CRTC1: variants seen among roughly 807,000 people sequenced by gnomAD.
CRTC1 encodes the protein CREB regulated transcription coactivator 1.
Under a neutral mutation model 66.1 loss-of-function variants are expected in CRTC1, and 18 were observed. The ratio of observed to expected loss-of-function variants is 0.27; its 90% confidence interval spans 0.19 to 0.40. The LOEUF is 0.40. CRTC1 is among the 10% of genes least tolerant of loss of function. The pLI is 1.00. For missense variants in CRTC1, 669 were observed against 887.9 expected, an observed-to-expected ratio of 0.75 and a Z score of 3.13; for synonymous variants, 416 against 398.8, an observed-to-expected ratio of 1.04 and a Z score of -0.51.
At chr19:18,689,961 C>T (rs1257365487) in intron 1 of CRTC1, among the ~76,000 whole-genome samples, 1 of 151,756 alleles carries the variant, frequency 6.6e-6, no homozygotes, top group East Asian at 1.9e-4. Flanking sequence ...GTGGTGTGAG[C>T]ATCCGCTGCA....
At chr19:18,729,574 G>A (rs776746723) in intron 1 of CRTC1, among the ~76,000 whole-genome samples, 1 of 151,814 alleles carries the variant, frequency 6.6e-6, no homozygotes, top group Non-Finnish European at 1.5e-5. Flanking sequence ...GGGAGACCGC[G>A]TCTCTACTAA....
chr19:18,711,908 A>G (rs1464282631), intron 1 of CRTC1, among the ~76,000 whole-genome samples: 5 of 152,066 alleles, frequency 3.3e-5, no homozygotes, highest in Non-Finnish European at 7.4e-5. Context: ...TCTCCTTTAT[A>G]CTTTTTTCAC....
At chr19:18,752,682 C>G (rs1042184419) in intron 5 of CRTC1, among the ~76,000 whole-genome samples, 1 of 151,270 alleles carries the variant, frequency 6.6e-6, no homozygotes, top group African/African-American at 2.4e-5. Flanking sequence ...ACTCTGTCGC[C>G]CAGACTGGAG....
At position 18,727,842 on chromosome 19, in the gene CRTC1, C is replaced by T. The variant is rs948943184; in HGVS notation, c.127-15068C>T. Among the ~76,000 whole-genome samples the T allele has an allele frequency of 2.6e-5, 4 of 152,032 alleles. No individual in the cohort carries two copies. In the South Asian group the frequency reaches 8.3e-4, roughly 32 times the overall value. On this transcript the variant is annotated intron_variant, in intron 1 of 13. Coordinates refer to ENST00000321949, the MANE Select transcript of CRTC1 (RefSeq NM_015321.3). ...GTTCAGGAAGTTCTCCTGCCTCAGC[C>T]TCCTGAGTAGCTGGGATTACAGGCG...
At chr19:18,723,076 G>A (rs990414577) in intron 1 of CRTC1, among the ~76,000 whole-genome samples, 2 of 152,078 alleles carry the variant, frequency 1.3e-5, no homozygotes, top group African/African-American at 4.8e-5. Flanking sequence ...AAGTACCTGG[G>A]ATTACAGGCA....
At chr19:18,743,532 C>T (rs1434921991) in intron 2 of CRTC1, among the ~76,000 whole-genome samples, 3 of 152,204 alleles carry the variant, frequency 2.0e-5, no homozygotes, top group Non-Finnish European at 4.4e-5. Flanking sequence ...CCCTGGTCTG[C>T]GGGTGGAGAT....
intron 1 of CRTC1, among the ~76,000 whole-genome samples, chr19:18,713,673 G>A (rs1391480890): frequency 2.0e-5 from 3 of 152,250 alleles, no homozygotes; most frequent in African/African-American, 7.2e-5. Flanking sequence ...TTAGCTCAAG[G>A]TCCAGGTTCG....
At chr19:18,701,222 G>C (rs1253764264) in intron 1 of CRTC1, among the ~76,000 whole-genome samples, 1 of 152,260 alleles carries the variant, frequency 6.6e-6, no homozygotes, top group African/African-American at 2.4e-5. Context: ...CCAGAGCCCG[G>C]GGCTCATCAC....
intron 1 of CRTC1, among the ~76,000 whole-genome samples, chr19:18,697,679 A>G (rs955752397): frequency 4.6e-5 from 7 of 152,128 alleles, no homozygotes; most frequent in Admixed American, 2.6e-4. Flanking sequence ...GCCTCATTGG[A>G]TCATGGTGAG....
At chr19:18,696,260 C>T (rs983926727) in intron 1 of CRTC1, among the ~76,000 whole-genome samples, 1 of 152,132 alleles carries the variant, frequency 6.6e-6, no homozygotes, top group South Asian at 2.1e-4. Flanking sequence ...TGAGGCAGGG[C>T]GGTTCAGGCT....
intron 1 of CRTC1, among the ~76,000 whole-genome samples, chr19:18,733,844 G>T (rs1016112764): frequency 6.6e-6 from 1 of 152,200 alleles, no homozygotes; most frequent in Admixed American, 6.5e-5. Context: ...GGCTGGGCGC[G>T]GTGGCTCCTG....
chr19:18,697,525 G>A (rs1033151730), intron 1 of CRTC1, among the ~76,000 whole-genome samples: 4 of 152,188 alleles, frequency 2.6e-5, no homozygotes, highest in Non-Finnish European at 5.9e-5. Flanking sequence ...GGCCAGGCTG[G>A]TCTCCAACTT....
chr19:18,734,373 A>T (rs76977527), intron 1 of CRTC1, among the ~76,000 whole-genome samples: 33,343 of 151,166 alleles, frequency 0.22, 3,856 homozygotes, highest in East Asian at 0.3. Flanking sequence ...GTAAAAGATT[A>T]AAAAAAAATA....
At chr19:18,685,934 A>G (rs1008050928) in intron 1 of CRTC1, among the ~76,000 whole-genome samples, 3 of 152,214 alleles carry the variant, frequency 2.0e-5, no homozygotes, top group Admixed American at 1.3e-4. Context: ...TAATAGCTTT[A>G]TTGAGATATG....
chr19:18,710,230 C>T (rs538031741), intron 1 of CRTC1, among the ~76,000 whole-genome samples: 7 of 152,316 alleles, frequency 4.6e-5, no homozygotes, highest in Non-Finnish European at 1.0e-4. Flanking sequence ...TTCCTTCCTC[C>T]ATCTACCCAC....
intron 6 of CRTC1, among the ~76,000 whole-genome samples, chr19:18,758,478 C>T (rs1419632854): frequency 6.6e-6 from 1 of 152,112 alleles, no homozygotes; most frequent in African/African-American, 2.4e-5. Flanking sequence ...TTCCATACAC[C>T]ATGTCCATGT....
At position 18,742,966 on chromosome 19, in the gene CRTC1, T is replaced by C; in HGVS notation, c.183T>C (p.Tyr61=). The part of the protein sequence containing the change: ...LQLGPSRGQY[Y]GGSLPNVNQI... ...TGGGCCCCAGCCGAGGCCAGTACTATGGCGGGTCCCTGCCCAACGTGAACC... is the reference window on the plus strand; with the variant it reads ...TGGGCCCCAGCCGAGGCCAGTACTACGGCGGGTCCCTGCCCAACGTGAACC... Residue 61 remains tyrosine (Y), a synonymous_variant, in exon 2 of 14, where the codon TAT becomes TAC. Transcript: ENST00000321949. 1 of 1,613,822 alleles carries C rather than the reference T, an allele frequency of 6.2e-7. No individual in the cohort carries two copies. The highest frequency in any genetic ancestry group is 8.5e-7 in the Non-Finnish European group (1 of 1,179,970).
At chr19:18,764,199 C>T (rs538917999) in intron 8 of CRTC1, among the ~76,000 whole-genome samples, 12 of 152,222 alleles carry the variant, frequency 7.9e-5, no homozygotes, top group African/African-American at 1.9e-4. Flanking sequence ...ACGCACCCGC[C>T]GTCTCATCTG....
At chr19:18,722,811 C>T (rs1374273354) in intron 1 of CRTC1, among the ~76,000 whole-genome samples, 1 of 152,190 alleles carries the variant, frequency 6.6e-6, no homozygotes, top group East Asian at 1.9e-4. Flanking sequence ...ACTAATCTGT[C>T]TCTGTGGCTT....
Sources: gnomAD v4.1 joint callset for allele counts (sites outside exome capture counted in the v4.1 genomes callset) on GRCh38, gnomAD v4.1.1 for gene constraint, MANE v1.5 for transcripts, NCBI Gene and HGNC (gene_info 2026-07-23, HGNC 2026-07-21) for gene names.